The following USP28 variants were observed in gnomAD, a reference collection of about 807,000 sequenced individuals.
USP28 encodes ubiquitin carboxyl-terminal hydrolase 28.
Under a neutral mutation model 145.0 loss-of-function variants are expected in USP28, and 113 were observed. The ratio of observed to expected loss-of-function variants is 0.78; its 90% CI spans 0.67 to 0.91. The LOEUF (loss-of-function observed/expected upper bound fraction) is 0.91. Ranked by LOEUF, USP28 falls within the 40% of genes least tolerant of loss-of-function variation. The pLI is 0.00. For synonymous variants in USP28, 447 were observed against 450.9 expected (o/e 0.99, Z 0.11); for missense variants, 1,201 against 1,289.6 (o/e 0.93, Z 1.05).
intron 12 of USP28, chr11:113,822,493 AGAGAGAG>A (rs745883417): frequency 2.4e-4 from 33 of 139,856 alleles, no homozygotes; most frequent in African/African-American, 8.2e-4. Context: ...AGAGAGAGAG[AGAGAGAG>A]ATGGGGTCTC....
intron 16 of USP28, 57 bp downstream of exon 16, chr11:113,812,219 T>C: frequency 7.4e-7 from 1 of 1,344,358 alleles, no homozygotes; most frequent in Non-Finnish European, 1.1e-6. Context: ...AGACTGTTCT[T>C]CTCCCTGAGC....
chr11:113,871,114 T>C (rs1948766322), intron 1 of USP28, among the ~76,000 whole-genome samples: 1 of 152,192 alleles, frequency 6.6e-6, no homozygotes, highest in South Asian at 2.1e-4. Flanking sequence ...TGTATGCTTG[T>C]TTCCTTGGTA....
chr11:113,875,325 C>G, intron 1 of USP28, 120 bp downstream of exon 1: 2 of 836,300 alleles, frequency 2.4e-6, no homozygotes, highest in South Asian at 5.7e-5. Flanking sequence ...GGGCGCACCC[C>G]CTGTCCCGCC....
intron 1 of USP28, among the ~76,000 whole-genome samples, chr11:113,861,187 C>T (rs1007115995): frequency 6.6e-6 from 1 of 151,500 alleles, no homozygotes; most frequent in South Asian, 2.1e-4. Context: ...TTCCAACCTC[C>T]ATAAAACAAG....
At chr11:113,862,110 G>A (rs1947755259) in intron 1 of USP28, among the ~76,000 whole-genome samples, 1 of 152,184 alleles carries the variant, frequency 6.6e-6, no homozygotes, top group African/African-American at 2.4e-5. Context: ...ACTTTACGGG[G>A]CTGAGGCGGG....
chr11:113,803,342 A>G (rs1298639722), intron 22 of USP28, 61 bp from the exon 24 acceptor site: 7 of 1,500,358 alleles, frequency 4.7e-6, no homozygotes, highest in African/African-American at 2.9e-5. Context: ...TAGGGCTTAG[A>G]CCTCACTTTT....
rs928159354 is a variant in USP28, at chr11:113,869,587, T to C, written c.57+5858A>G. ...GCTTGGGTGACAGAGTGAAACCCTATCTCAAAAAACAAACAAGACATCTCA... is the reference window on the plus strand; with the variant it reads ...GCTTGGGTGACAGAGTGAAACCCTACCTCAAAAAACAAACAAGACATCTCA... On this transcript the variant is annotated intron_variant, in intron 1 of 24. Transcript: ENST00000003302. Among the ~76,000 whole-genome samples the C allele has an allele frequency of 7.9e-5, 12 of 152,182 alleles. No individual in the cohort carries two copies. In the East Asian group the frequency reaches 1.7e-3, roughly 22 times the overall value.
At chr11:113,828,815 T>C (rs1943664332) in intron 10 of USP28, 1 of 435,882 alleles carries the variant, frequency 2.3e-6, no homozygotes. Context: ...GTAAATACTA[T>C]AATAGGGAAA....
At chr11:113,814,032 A>ATATTCTTTGCTT in intron 14 of USP28, 77 bp from the exon 15 acceptor site, 3 of 1,069,450 alleles carry the variant, frequency 2.8e-6, no homozygotes, top group Non-Finnish European at 4.1e-6. Context: ...TAACTAAGCA[A>ATATTCTTTGCTT]AGAATATTGC....
chr11:113,801,686 T>C lies in USP28; in HGVS notation c.2863-8A>G. The C allele has an allele frequency of 1.3e-6, 2 of 1,550,444 alleles. No homozygotes were observed. The highest frequency in any genetic ancestry group is 1.7e-5 in the Admixed American group (1 of 59,162). On this transcript the variant is annotated splice_region_variant and splice_polypyrimidine_tract_variant and intron_variant, in intron 23 of 24. Coordinates refer to ENST00000003302, the Ensembl canonical transcript of USP28. ...TGCTTTGGCATTCAGCTCCTACAGA[T>C]AAAAGGTAGAATTAGGTGGGGAAGA...
chr11:113,867,410 G>A (rs1016920931), intron 1 of USP28, among the ~76,000 whole-genome samples: 2 of 152,028 alleles, frequency 1.3e-5, no homozygotes, highest in African/African-American at 4.8e-5. Flanking sequence ...GGAATTACAG[G>A]TGCTCACCAC....
At chr11:113,842,899 A>C (rs1017723516) in intron 3 of USP28, among the ~76,000 whole-genome samples, 1 of 152,142 alleles carries the variant, frequency 6.6e-6, no homozygotes, top group African/African-American at 2.4e-5. Context: ...ATCTATTATC[A>C]CTGCTTTTAT....
At position 113,854,896 on chromosome 11, in the gene USP28, T is replaced by C. The variant is rs4141182; in HGVS notation, c.58-561A>G. On this transcript the variant is annotated intron_variant, in intron 1 of 24. Coordinates refer to ENST00000003302, the Ensembl canonical transcript of USP28. ...TTTAAATGTAATATTCTAGCCTTAA[T>C]GGACACTTAAAAGTTCTCCAGGTTT... Among the ~76,000 whole-genome samples the C allele has an allele frequency of 2.9e-3, 438 of 152,370 alleles. 4 individuals carry two copies. The South Asian group carries it at 0.046, about 16-fold the overall frequency.
chr11:113,869,322 G>C (rs890664207), intron 1 of USP28, among the ~76,000 whole-genome samples: 3 of 152,188 alleles, frequency 2.0e-5, no homozygotes, highest in African/African-American at 7.2e-5. Flanking sequence ...CCAGCTACTT[G>C]GGAGGCAGAG....
chr11:113,829,495 G>C, intron 9 of USP28, 150 bp from the exon 10 acceptor site: 1 of 875,850 alleles, frequency 1.1e-6, no homozygotes, highest in Non-Finnish European at 1.7e-6. Context: ...CCTCTAGTGA[G>C]CCAGTCAATC....
chr11:113,850,468 A>G (rs2136407476), intron 3 of USP28, among the ~76,000 whole-genome samples: 1 of 152,326 alleles, frequency 6.6e-6, no homozygotes, highest in Non-Finnish European at 1.5e-5. Context: ...CTCAAAAAGA[A>G]CAATGTTGAC....
intron 1 of USP28, among the ~76,000 whole-genome samples, chr11:113,855,771 C>T (rs1322633486): frequency 1.3e-5 from 2 of 152,060 alleles, no homozygotes; most frequent in Non-Finnish European, 2.9e-5. Context: ...ATCAGTTGGG[C>T]GTGGTGGCAC....
Position 113,843,574 on chromosome 11 carries a change from G to C in USP28, c.269-1806C>G, listed in dbSNP as rs1410096555. Among the ~76,000 whole-genome samples the C allele has an allele frequency of 5.3e-5, 8 of 151,494 alleles. No homozygotes were observed. In the East Asian group the frequency reaches 1.6e-3, roughly 30 times the overall value. On this transcript the variant is annotated intron_variant, in intron 3 of 24. Transcript: ENST00000003302. Reference sequence around the variant, plus strand: ...TAATCCCAGCTACTCAGGAGGCTGAGGCAGGAGGACGGCTTGAACCCAGGA... The same window carrying C: ...TAATCCCAGCTACTCAGGAGGCTGACGCAGGAGGACGGCTTGAACCCAGGA...
intron 7 of USP28, 130 bp from the exon 8 acceptor site, chr11:113,832,123 G>A (rs1410556670): frequency 1.2e-6 from 1 of 836,374 alleles, no homozygotes; most frequent in South Asian, 1.8e-5. Context: ...TTCTTTTTTT[G>A]TTTTGAGACA....
Sources: allele counts gnomAD v4.1 joint callset (sites outside exome capture counted in the v4.1 genomes callset), GRCh38; gene constraint gnomAD v4.1.1; transcripts MANE v1.5; gene names NCBI Gene and HGNC (gene_info 2026-07-23, HGNC 2026-07-21).